Variants in KDM2B observed in about 807,000 individuals in gnomAD.
KDM2B encodes lysine demethylase 2B.
Under a neutral mutation model 150.0 loss-of-function variants are expected in KDM2B, and 26 were observed. That is an observed-to-expected ratio of 0.17 (90% confidence interval 0.13 to 0.24). KDM2B has a LOEUF of 0.24. Ranked by LOEUF, KDM2B falls within the 10% of genes least tolerant of loss-of-function variation. The pLI, the probability that KDM2B is intolerant of heterozygous loss-of-function variation, is 1.00. For synonymous variants in KDM2B, 734 were observed against 729.5 expected (o/e 1.01, Z -0.10); for missense variants, 1,265 against 1,816.9 (o/e 0.70, Z 5.52).
chr12:121,463,646 T>C (rs1879420483), intron 12 of KDM2B, among the ~76,000 whole-genome samples: 1 of 152,214 alleles, frequency 6.6e-6, no homozygotes, highest in Non-Finnish European at 1.5e-5. Context: ...AATGGGGCCA[T>C]CACTACTCAC....
At chr12:121,439,631 C>T (rs551935228) in intron 22 of KDM2B, among the ~76,000 whole-genome samples, 10 of 152,270 alleles carry the variant, frequency 6.6e-5, no homozygotes, top group African/African-American at 9.6e-5. Context: ...CCACCTGCCT[C>T]GGCCTCCCAA....
chr12:121,580,658 G>T, intron 1 of KDM2B, 128 bp downstream of exon 1: 1 of 1,349,454 alleles, frequency 7.4e-7, no homozygotes, highest in Non-Finnish European at 1.0e-6. Flanking sequence ...AATGCAAGCC[G>T]AGCATGCTGG....
chr12:121,574,239 C>T (rs1891328884), intron 4 of KDM2B: 1 of 280,858 alleles, frequency 3.6e-6, no homozygotes, highest in African/African-American at 2.2e-5. Flanking sequence ...CAGTGTTTAC[C>T]CGGCAACCCA....
chr12:121,441,390 C>CGTGG, intron 19 of KDM2B, 157 bp from the exon 20 acceptor site: 1 of 632,202 alleles, frequency 1.6e-6, no homozygotes, highest in Non-Finnish European at 2.7e-6. Context: ...TGCCCCCACG[C>CGTGG]GGGCACCTCC....
At position 121,449,200 on chromosome 12, in the gene KDM2B, G is replaced by GT. The variant is rs146475698; in HGVS notation, c.1960-3783dup. On this transcript the variant is annotated intron_variant, in intron 13 of 22. Coordinates refer to ENST00000377071, the MANE Select transcript of KDM2B (RefSeq NM_032590.5). ...GGCTGGCAGGGGGCTTGGGGCGCAT[G>GT]TGGGGGGGCAGACTGCAGGACACCA... Among the ~76,000 whole-genome samples, 1,206 of 151,652 alleles carry GT rather than the reference G, an allele frequency of 8.0e-3. 18 individuals are homozygous for GT. Among genetic ancestry groups the GT allele is most frequent in the African/African-American group, 0.027 (1,113 of 41,208 alleles).
At chr12:121,540,368 A>G (rs976098870) in intron 6 of KDM2B, among the ~76,000 whole-genome samples, 2 of 152,138 alleles carry the variant, frequency 1.3e-5, no homozygotes, top group African/African-American at 4.8e-5. Flanking sequence ...AACACAGCTG[A>G]TGAGAGAGTA....
chr12:121,459,970 T>C (rs545932761), intron 12 of KDM2B, among the ~76,000 whole-genome samples: 1 of 152,192 alleles, frequency 6.6e-6, no homozygotes, highest in African/African-American at 2.4e-5. Flanking sequence ...GACAACTCAA[T>C]AATAAAGAGA....
intron 9 of KDM2B, chr12:121,516,580 CAAATT>C: frequency 3.6e-6 from 5 of 1,379,496 alleles, no homozygotes; most frequent in Non-Finnish European, 4.8e-6. Context: ...GGAGCCTCAC[CAAATT>C]GAGTTAACCA....
chr12:121,494,094 G>GT (rs1883651456), intron 12 of KDM2B: 1 of 155,094 alleles, frequency 6.4e-6, no homozygotes, highest in Non-Finnish European at 1.4e-5. Flanking sequence ...CTGACCTCAG[G>GT]TGATCCACCC....
At position 121,521,724 on chromosome 12, in the gene KDM2B, T is replaced by C. The variant is rs1402136502; in HGVS notation, c.932-624A>G. On this transcript the variant is annotated intron_variant, in intron 8 of 22. Transcript: ENST00000377071. This position sits in a 1 kb window ranked among gnomAD's most constrained non-coding sequence, Gnocchi z 4.9. ...CTCTGCCCCACAGGCTGCTGGTAAG[T>C]CTCTCCTGCAGCTTCTCACAGCTGG... Among the ~76,000 whole-genome samples the C allele has an allele frequency of 6.6e-6, 1 of 152,084 alleles. No individual in the cohort carries two copies. Among genetic ancestry groups the C allele is most frequent in the Non-Finnish European group, 1.5e-5 (1 of 68,010 alleles).
At chr12:121,554,805 T>C (rs1555312451) in intron 4 of KDM2B, among the ~76,000 whole-genome samples, 1 of 152,238 alleles carries the variant, frequency 6.6e-6, no homozygotes, top group East Asian at 1.9e-4. Context: ...CCACAAGTTA[T>C]GATTTTCAGT....
At chr12:121,495,702 T>G (rs997166683) in intron 11 of KDM2B, among the ~76,000 whole-genome samples, 2 of 152,054 alleles carry the variant, frequency 1.3e-5, no homozygotes, top group African/African-American at 2.4e-5. Flanking sequence ...AAAACCAACC[T>G]CCAGACCTTG....
chr12:121,423,875 G>C, the KDM2B span: 2 of 342,446 alleles, frequency 5.8e-6, no homozygotes, highest in Non-Finnish European at 1.1e-5. The surrounding 1 kb of genome is among the most constrained non-coding windows in gnomAD (Gnocchi z 4.3). Flanking sequence ...GCTGTCTTGG[G>C]AGGACACTTA....
At chr12:121,562,882 A>G (rs1316348555) in intron 4 of KDM2B, among the ~76,000 whole-genome samples, 1 of 152,208 alleles carries the variant, frequency 6.6e-6, no homozygotes, top group Non-Finnish European at 1.5e-5. Flanking sequence ...TCCCTATGGC[A>G]CATATGCGAT....
At chr12:121,482,976 G>C in intron 12 of KDM2B, among the ~76,000 whole-genome samples, 1 of 151,786 alleles carries the variant, frequency 6.6e-6, no homozygotes, top group East Asian at 1.9e-4. Context: ...GACCAGTCTG[G>C]CCATGGTGAA....
intron 12 of KDM2B, among the ~76,000 whole-genome samples, chr12:121,459,825 C>A: frequency 1.3e-5 from 2 of 148,524 alleles, no homozygotes; most frequent in African/African-American, 2.5e-5. Context: ...AGTGAAACTC[C>A]ATCTCAGAAA....
intron 8 of KDM2B, among the ~76,000 whole-genome samples, chr12:121,527,856 T>C (rs1301817862): frequency 6.6e-6 from 1 of 152,056 alleles, no homozygotes; most frequent in Non-Finnish European, 1.5e-5. Context: ...ATAGCTCACC[T>C]AGGCTGGCAC....
intron 12 of KDM2B, among the ~76,000 whole-genome samples, chr12:121,483,329 G>A (rs567753410): frequency 6.6e-6 from 1 of 151,942 alleles, no homozygotes; most frequent in South Asian, 2.1e-4. Context: ...GATGCTAGTG[G>A]AGGCTCCGTT....
intron 14 of KDM2B, chr12:121,444,806 T>C: frequency 1.9e-6 from 1 of 534,724 alleles, no homozygotes; most frequent in Admixed American, 3.1e-5. Context: ...CCCTCGGCCA[T>C]AAAAGTTAGT....
Sources: allele counts gnomAD v4.1 joint callset (sites outside exome capture counted in the v4.1 genomes callset), GRCh38; gene constraint gnomAD v4.1.1; non-coding constraint Gnocchi (gnomAD v3.1); transcripts MANE v1.5; gene names NCBI Gene and HGNC (gene_info 2026-07-23, HGNC 2026-07-21).